The following OR51B5 variants were observed in gnomAD, a reference collection of about 807,000 sequenced individuals.
OR51B5 encodes olfactory receptor 51B5.
For synonymous variants in OR51B5, 186 were observed against 144.8 expected (o/e 1.28, Z -2.04); for missense variants, 456 against 374.6 (o/e 1.22, Z -1.79).
intron 1 of OR51B5, chr11:5,422,149 T>G: frequency 7.5e-7 from 1 of 1,329,246 alleles, no homozygotes; most frequent in Non-Finnish European, 1.0e-6. Flanking sequence ...TTTCTAATGT[T>G]TCTTTTTCTC....
chr11:5,491,773 G>A, intron 1 of OR51B5, among the ~76,000 whole-genome samples: 1 of 152,106 alleles, frequency 6.6e-6, no homozygotes, highest in East Asian at 1.9e-4. Context: ...CAATCCCAGT[G>A]TACAGCATCA....
chr11:5,504,360 T>A (rs1846343415), intron 1 of OR51B5, among the ~76,000 whole-genome samples: 1 of 152,230 alleles, frequency 6.6e-6, no homozygotes, highest in African/African-American at 2.4e-5. Context: ...GCAAATCTCT[T>A]GGTCTGAAGA....
At chr11:5,458,315 C>G (rs1850992272) in intron 1 of OR51B5, among the ~76,000 whole-genome samples, 1 of 151,990 alleles carries the variant, frequency 6.6e-6, no homozygotes. Flanking sequence ...CTAACCTGTT[C>G]CATTTGTCTA....
At chr11:5,360,677 A>T (rs1424377974) in intron 1 of OR51B5, among the ~76,000 whole-genome samples, 1 of 152,034 alleles carries the variant, frequency 6.6e-6, no homozygotes, top group Non-Finnish European at 1.5e-5. Flanking sequence ...TGCTGCTATA[A>T]AGACACATGC....
At chr11:5,350,031 T>A (rs1014753822) in intron 1 of OR51B5, among the ~76,000 whole-genome samples, 1 of 152,088 alleles carries the variant, frequency 6.6e-6, no homozygotes, top group Admixed American at 6.5e-5. Context: ...AAAAAGGAAA[T>A]CATTTGACAC....
chr11:5,439,593 T>A (rs1850644624), intron 1 of OR51B5, among the ~76,000 whole-genome samples: 1 of 152,198 alleles, frequency 6.6e-6, no homozygotes, highest in Non-Finnish European at 1.5e-5. Flanking sequence ...TTGGTCTCAC[T>A]CCTGATAGTT....
intron 1 of OR51B5, among the ~76,000 whole-genome samples, chr11:5,436,926 C>T (rs912653947): frequency 2.0e-5 from 3 of 152,098 alleles, no homozygotes; most frequent in Non-Finnish European, 4.4e-5. Flanking sequence ...CTAGAATGGA[C>T]CTCAGGTGGG....
chr11:5,362,835 G>T (rs938058338), intron 1 of OR51B5: 8 of 206,754 alleles, frequency 3.9e-5, no homozygotes, highest in Non-Finnish European at 8.2e-5. Flanking sequence ...GCTCTGGGTT[G>T]GCATCTACAT....
intron 1 of OR51B5, chr11:5,441,526 A>G (rs1385916547): frequency 1.2e-6 from 2 of 1,601,008 alleles, no homozygotes; most frequent in East Asian, 2.2e-5. Context: ...GTGGGAGAAT[A>G]TAGATAGGGA....
At chr11:5,455,790 A>G (rs943060931) in intron 1 of OR51B5, 1 of 152,118 alleles carries the variant, frequency 6.6e-6, no homozygotes, top group African/African-American at 2.4e-5. Flanking sequence ...TAAAAATGAG[A>G]TAATGTAAGT....
chr11:5,381,612 G>C (rs1455912186), intron 1 of OR51B5, among the ~76,000 whole-genome samples: 1 of 152,184 alleles, frequency 6.6e-6, no homozygotes, highest in Non-Finnish European at 1.5e-5. Context: ...CTATCTTCAA[G>C]TTCTTGATCA....
chr11:5,473,645 A>AG (rs1188160442), intron 1 of OR51B5, among the ~76,000 whole-genome samples: 1 of 152,194 alleles, frequency 6.6e-6, no homozygotes, highest in African/African-American at 2.4e-5. Flanking sequence ...CATACTTGAA[A>AG]GCAATATGGA....
chr11:5,479,933 G>A (rs1446954333), intron 1 of OR51B5, among the ~76,000 whole-genome samples: 1 of 141,752 alleles, frequency 7.1e-6, no homozygotes, highest in Non-Finnish European at 1.5e-5. Context: ...ACACCCCACT[G>A]TCAACATTAG....
intron 1 of OR51B5, among the ~76,000 whole-genome samples, chr11:5,463,985 T>C (rs1851095585): frequency 6.6e-6 from 1 of 152,182 alleles, no homozygotes; most frequent in African/African-American, 2.4e-5. Context: ...AACAACAGCT[T>C]AGAACCAACC....
chr11:5,445,080 G>A (rs1850741372), intron 1 of OR51B5, among the ~76,000 whole-genome samples: 1 of 152,062 alleles, frequency 6.6e-6, no homozygotes, highest in South Asian at 2.1e-4. Context: ...ATTGCCCAGT[G>A]CTCTAGTCAC....
intron 1 of OR51B5, among the ~76,000 whole-genome samples, chr11:5,349,722 C>CCT (rs1849046506): frequency 6.6e-6 from 1 of 152,052 alleles, no homozygotes; most frequent in Non-Finnish European, 1.5e-5. Flanking sequence ...ATTGTCTGAA[C>CCT]CTCTCACTGG....
intron 1 of OR51B5, among the ~76,000 whole-genome samples, chr11:5,439,696 C>T (rs951282339): frequency 6.6e-6 from 1 of 152,118 alleles, no homozygotes; most frequent in East Asian, 1.9e-4. Flanking sequence ...AATCATATAT[C>T]GAGAACCACT....
At chr11:5,433,366 T>C (rs1360689146) in intron 1 of OR51B5, among the ~76,000 whole-genome samples, 1 of 152,132 alleles carries the variant, frequency 6.6e-6, no homozygotes, top group Non-Finnish European at 1.5e-5. Flanking sequence ...TTAAAGACAA[T>C]AACAGTGAAG....
chr11:5,484,794 A>G (rs1405786264), intron 1 of OR51B5, among the ~76,000 whole-genome samples: 1 of 152,246 alleles, frequency 6.6e-6, no homozygotes, highest in Non-Finnish European at 1.5e-5. Flanking sequence ...CGGTATTACC[A>G]CAGTACCAAC....
Sources: gnomAD v4.1 joint callset for allele counts (sites outside exome capture counted in the v4.1 genomes callset) on GRCh38, gnomAD v4.1.1 for gene constraint, MANE v1.5 for transcripts, NCBI Gene and HGNC (gene_info 2026-07-23, HGNC 2026-07-21) for gene names.